SKIC8: variants seen among roughly 807,000 people sequenced by gnomAD.
The protein encoded by SKIC8 is SKI8 subunit of superkiller complex.
the SKIC8 span, among the ~76,000 whole-genome samples, chr15:78,296,585 A>G: frequency 6.6e-6 from 1 of 151,818 alleles, no homozygotes; most frequent in African/African-American, 2.4e-5. Context: ...ATCATGGTCA[A>G]TGCAGCTTCA....
the SKIC8 span, chr15:78,294,775 GT>G: frequency 3.6e-6 from 2 of 549,510 alleles, no homozygotes; most frequent in Non-Finnish European, 6.2e-6. Flanking sequence ...GGTTTTTGTT[GT>G]TGTTGTTGTT....
chr15:78,294,775 GTT>G, the SKIC8 span: 1 of 549,510 alleles, frequency 1.8e-6, no homozygotes. Context: ...GGTTTTTGTT[GTT>G]GTTGTTGTTG....
At chr15:78,288,236 A>T in the SKIC8 span, 3 of 1,588,884 alleles carry the variant, frequency 1.9e-6, no homozygotes, top group Non-Finnish European at 2.6e-6. Flanking sequence ...TTGTAACAAT[A>T]AAGGGACAAG....
the SKIC8 span, chr15:78,294,866 G>C: frequency 6.4e-7 from 1 of 1,567,144 alleles, no homozygotes; most frequent in South Asian, 1.1e-5. Context: ...TGCATGTCTG[G>C]TCAGCATGAC....
chr15:78,284,989 G>A, the SKIC8 span: 5 of 399,854 alleles, frequency 1.3e-5, no homozygotes, highest in Admixed American at 7.8e-5. Context: ...TTCCAAAGAC[G>A]GCATTTAAAG....
the SKIC8 span, chr15:78,293,322 T>C: frequency 1.3e-6 from 2 of 1,516,958 alleles, no homozygotes; most frequent in Non-Finnish European, 1.8e-6. Flanking sequence ...TACGACTTAA[T>C]GAAGCCGAGA....
At chr15:78,290,077 A>G in the SKIC8 span, 3 of 1,613,996 alleles carry the variant, frequency 1.9e-6, no homozygotes, top group East Asian at 6.7e-5. Flanking sequence ...AATCAGGAGA[A>G]AAGGCCAAAG....
At chr15:78,295,347 G>C in the SKIC8 span, 23 of 570,884 alleles carry the variant, frequency 4.0e-5, no homozygotes, top group Admixed American at 5.8e-4. Context: ...TATTAACTTT[G>C]TCCCTAATCT....
At chr15:78,288,333 G>T in the SKIC8 span, 1 of 1,613,922 alleles carries the variant, frequency 6.2e-7, no homozygotes, top group Non-Finnish European at 8.5e-7. Flanking sequence ...CAGTGACAAG[G>T]AGCTGGGAGT....
chr15:78,291,417 T>C, the SKIC8 span, among the ~76,000 whole-genome samples: 2 of 152,120 alleles, frequency 1.3e-5, no homozygotes. Flanking sequence ...AAGTCCTCTG[T>C]AAGTAATGTA....
the SKIC8 span, chr15:78,294,876 CAA>C: frequency 6.3e-7 from 1 of 1,597,706 alleles, no homozygotes; most frequent in African/African-American, 1.3e-5. Context: ...GTCAGCATGA[CAA>C]AAGTCTTAAA....
chr15:78,297,219 C>T, the SKIC8 span, among the ~76,000 whole-genome samples: 1 of 152,138 alleles, frequency 6.6e-6, no homozygotes, highest in African/African-American at 2.4e-5. Context: ...AAATGTAGCA[C>T]CAAAGACTGC....
the SKIC8 span, chr15:78,283,634 T>C: frequency 1.2e-6 from 1 of 809,740 alleles, no homozygotes; most frequent in East Asian, 2.7e-5. Context: ...GAGATGAGGA[T>C]GTTCTTGTAC....
chr15:78,289,653 A>T, the SKIC8 span: 1 of 1,614,184 alleles, frequency 6.2e-7, no homozygotes, highest in Middle Eastern at 1.6e-4. Flanking sequence ...CAGTTGCAAT[A>T]TCAAAAATAT....
At chr15:78,283,539 G>C in the SKIC8 span, 1 of 1,574,248 alleles carries the variant, frequency 6.4e-7, no homozygotes, top group Non-Finnish European at 8.7e-7. Flanking sequence ...TTTAAAAAAA[G>C]ATAGTTCTAC....
At chr15:78,285,066 A>T in the SKIC8 span, 1 of 574,360 alleles carries the variant, frequency 1.7e-6, no homozygotes, top group Non-Finnish European at 3.1e-6. Context: ...CTAGGCTGAC[A>T]GCACATCCCA....
At chr15:78,293,527 C>G in the SKIC8 span, among the ~76,000 whole-genome samples, 1 of 152,252 alleles carries the variant, frequency 6.6e-6, no homozygotes, top group South Asian at 2.1e-4. Flanking sequence ...AGTGTCCTTT[C>G]TTTTAGCATG....
the SKIC8 span, chr15:78,288,171 GGTGTCTGAT>G: frequency 9.9e-7 from 1 of 1,012,368 alleles, no homozygotes; most frequent in South Asian, 1.7e-5. Flanking sequence ...GGGGAGTCAA[GGTGTCTGAT>G]GTGACTTGAG....
Sources: allele counts gnomAD v4.1 joint callset (sites outside exome capture counted in the v4.1 genomes callset), GRCh38; gene constraint gnomAD v4.1.1; transcripts MANE v1.5; gene names NCBI Gene and HGNC (gene_info 2026-07-23, HGNC 2026-07-21).